Variants in PDZD2 observed in about 807,000 individuals in gnomAD.
PDZD2 encodes PDZ domain containing 2, also known as PDZ domain-containing protein 2.
In PDZD2, 90 loss-of-function variants were observed where a neutral mutation model predicts 220.7. The ratio of observed to expected loss-of-function variants is 0.41; its 90% confidence interval spans 0.34 to 0.49. PDZD2 has a LOEUF of 0.49. Among genes scored for constraint, PDZD2 ranks in the 20% least tolerant of loss-of-function variants. The probability of loss-of-function intolerance (pLI) is 0.28; values close to 1 mark genes in which losing one functional copy is unlikely to be tolerated. For synonymous variants in PDZD2, 1,375 were observed against 1,450.5 expected (o/e 0.95, Z 1.18); for missense variants, 3,174 against 3,608.5 (o/e 0.88, Z 3.08).
chr5:32,098,653 C>G lies in PDZD2; in HGVS notation c.8218+19C>G, dbSNP rs774009734. The G allele has an allele frequency of 6.2e-6, 10 of 1,603,656 alleles. No individual in the cohort carries two copies. The highest frequency in any genetic ancestry group is 8.5e-6 in the Non-Finnish European group (10 of 1,173,822). ...GGCATTGGTAAGATGATCATTTCAA[C>G]AACCAGCAGGCTGTGAGCTACTGCA... On this transcript the variant is annotated intron_variant, in intron 23 of 24. Transcript: ENST00000438447. The surrounding 1 kb of genome is among the most constrained non-coding windows in gnomAD (Gnocchi z 4.1).
intron 1 of PDZD2, among the ~76,000 whole-genome samples, chr5:31,776,171 G>A (rs534344504): frequency 4.6e-5 from 7 of 152,248 alleles, no homozygotes; most frequent in Middle Eastern, 3.4e-3. Flanking sequence ...GGTCTCTGCC[G>A]TTCCCTAGGT....
intron 1 of PDZD2, among the ~76,000 whole-genome samples, chr5:31,763,474 A>ATG (rs1561440120): frequency 6.6e-6 from 1 of 152,164 alleles, no homozygotes; most frequent in Non-Finnish European, 1.5e-5. Context: ...GGACAGAATG[A>ATG]TGTTTACGAG....
chr5:32,043,683 G>A (rs1446789743), intron 7 of PDZD2, among the ~76,000 whole-genome samples: 1 of 152,086 alleles, frequency 6.6e-6, no homozygotes, highest in Non-Finnish European at 1.5e-5. Context: ...GCTGGAGCAC[G>A]GTGGTGTGAT....
At chr5:31,881,331 T>A (rs1335020521) in intron 2 of PDZD2, among the ~76,000 whole-genome samples, 1 of 61,348 alleles carries the variant, frequency 1.6e-5, no homozygotes, top group Non-Finnish European at 3.2e-5. Flanking sequence ...TATATATGTG[T>A]GTGTGTGTGT....
chr5:31,707,072 A>G (rs575223557), intron 1 of PDZD2, among the ~76,000 whole-genome samples: 1 of 142,796 alleles, frequency 7.0e-6, no homozygotes, highest in Admixed American at 7.8e-5. Context: ...CAAACACCAC[A>G]TGTTCTCACT....
chr5:31,748,783 CTG>C (rs1750753175), intron 1 of PDZD2, among the ~76,000 whole-genome samples: 1 of 152,236 alleles, frequency 6.6e-6, no homozygotes, highest in South Asian at 2.1e-4. Flanking sequence ...TTTAGGTTAT[CTG>C]TGCATTTGCA....
rs1326926613 is a variant in PDZD2 at position 32,091,140 on chromosome 5, C to T, written c.7692C>T (p.Ala2564=). 4.4e-6 allele frequency: 7 copies of T among 1,580,142 alleles called. No individual in the cohort carries two copies. Among genetic ancestry groups the T allele is most frequent in the East Asian group, 2.3e-5 (1 of 44,140 alleles). ...CAGCCAGTGATACGGGTGAAGCTGC[C>T]CAGGATCTGCCTTTTAGAAGAAGCT... ...PSSASDTGEA[A]QDLPFRRSWS... is the part of the protein sequence containing the mutation. The change falls in exon 20 of 25, where the codon GCC becomes GCT. Residue 2564 remains alanine (A), a synonymous_variant. Coordinates refer to ENST00000438447, the MANE Select transcript of PDZD2 (RefSeq NM_178140.4).
intron 1 of PDZD2, among the ~76,000 whole-genome samples, chr5:31,739,234 A>G (rs1336325871): frequency 6.6e-6 from 1 of 152,196 alleles, no homozygotes; most frequent in African/African-American, 2.4e-5. Context: ...TTTGGAAGGC[A>G]TGTGTGCAAT....
chr5:31,787,820 C>G (rs1753466916), intron 1 of PDZD2: 1 of 152,176 alleles, frequency 6.6e-6, no homozygotes, highest in Non-Finnish European at 1.5e-5. Flanking sequence ...CCTTGGAAAG[C>G]CTCACTTCTC....
At chr5:31,869,616 C>T (rs1381091596) in intron 2 of PDZD2, among the ~76,000 whole-genome samples, 2 of 152,112 alleles carry the variant, frequency 1.3e-5, no homozygotes, top group Admixed American at 1.3e-4. Flanking sequence ...CGATGAGCAC[C>T]TTTTATAGCT....
rs1754661103 is a variant in PDZD2 at position 32,026,351 on chromosome 5, G to A, written c.1408-10880G>A. 2.0e-5 allele frequency among the ~76,000 whole-genome samples: 3 copies of A among 152,104 alleles called. No homozygotes were observed. In the South Asian group the frequency reaches 6.2e-4, roughly 32 times the overall value. On this transcript the variant is annotated intron_variant, in intron 6 of 24. Coordinates refer to ENST00000438447, the MANE Select transcript of PDZD2 (RefSeq NM_178140.4). ...GGGGTCTTGTGATGTTGCCCAGGCT[G>A]GTCTTGAACTCCTGGGCTCAAAGCA...
chr5:31,658,503 T>C (rs1051108627), intron 1 of PDZD2, among the ~76,000 whole-genome samples: 3 of 152,222 alleles, frequency 2.0e-5, no homozygotes, highest in African/African-American at 7.2e-5. Flanking sequence ...TTAACCTCTC[T>C]GTGTCTGTGT....
chr5:31,906,264 A>ATTTTGT (rs1313577498), intron 2 of PDZD2, among the ~76,000 whole-genome samples: 1 of 133,788 alleles, frequency 7.5e-6, no homozygotes, highest in African/African-American at 2.8e-5. Flanking sequence ...ATGTTCGCTG[A>ATTTTGT]TTTTGTTGTT....
Position 32,087,316 on chromosome 5 carries a change from C to G in PDZD2, c.3868C>G (p.Pro1290Ala), listed in dbSNP as rs1356401476. ...SPVRLPHEGS[P>A]SPGEKAAAPP... ...AGTCAGGCTCCCCCATGAGGGCAGC[C>G]CCTCCCCGGGGGAGAAAGCAGCGGC... Residue 1290 changes from proline (P) to alanine (A), a missense_variant, in exon 20 of 25, where the codon CCC (proline) becomes GCC (alanine). This residue lies in a region of PDZD2 where 1,861 missense variants were observed against 2,001.0 expected (regional missense o/e 0.93). Coordinates refer to ENST00000438447, the MANE Select transcript of PDZD2 (RefSeq NM_178140.4). This position sits in a 1 kb window ranked among gnomAD's most constrained non-coding sequence, Gnocchi z 4.0. The G allele has an allele frequency of 6.2e-7, 1 of 1,614,158 alleles. No homozygotes were observed. The highest frequency in any genetic ancestry group is 2.2e-5 in the East Asian group (1 of 44,862).
At chr5:31,786,490 A>C (rs951423853) in intron 1 of PDZD2, among the ~76,000 whole-genome samples, 1 of 152,220 alleles carries the variant, frequency 6.6e-6, no homozygotes, top group Non-Finnish European at 1.5e-5. Context: ...GGTTATAAGC[A>C]CATAAATATA....
At chr5:31,875,826 T>A (rs1411337529) in intron 2 of PDZD2, among the ~76,000 whole-genome samples, 2 of 151,786 alleles carry the variant, frequency 1.3e-5, no homozygotes, top group African/African-American at 4.8e-5. Flanking sequence ...TTTATTCTCT[T>A]CTGATAATTT....
rs185062699 is a variant in PDZD2 at position 31,807,028 on chromosome 5, G to A, written c.476+7304G>A. Among the ~76,000 whole-genome samples, 486 of 150,172 alleles carry A rather than the reference G, an allele frequency of 3.2e-3. 2 individuals carry two copies. The highest frequency in any genetic ancestry group is 0.011 in the African/African-American group (460 of 40,730). ...CGACTCACTGCAACCTCCACCTCCC[G>A]GGTTTAAGTGATTCTGCTGCCTCAG... is the stretch of plus-strand genomic sequence containing the variant. On this transcript the variant is annotated intron_variant, in intron 2 of 24. Transcript: ENST00000438447.
chr5:31,676,512 G>A (rs1339218057), intron 1 of PDZD2, among the ~76,000 whole-genome samples: 1 of 151,838 alleles, frequency 6.6e-6, no homozygotes, highest in Non-Finnish European at 1.5e-5. Flanking sequence ...GTAGGAAGAT[G>A]AGCAGAAATA....
intron 14 of PDZD2, among the ~76,000 whole-genome samples, chr5:32,065,718 T>G (rs961070232): frequency 3.3e-5 from 5 of 152,176 alleles, no homozygotes; most frequent in African/African-American, 1.2e-4. Context: ...CATCCAGAGT[T>G]TTTTGAATAA....
Sources: gnomAD v4.1 joint callset for allele counts (sites outside exome capture counted in the v4.1 genomes callset) on GRCh38, gnomAD v4.1.1 for gene constraint, gnomAD v4.1.1 regional missense constraint, Gnocchi (gnomAD v3.1) non-coding constraint, MANE v1.5 for transcripts, NCBI Gene and HGNC (gene_info 2026-07-23, HGNC 2026-07-21) for gene names.